Variants in ZFC3H1 observed in about 807,000 individuals in gnomAD.
ZFC3H1 encodes zinc finger C3H1 domain-containing protein.
In ZFC3H1, 71 loss-of-function variants were observed where a neutral mutation model predicts 243.7. That is an observed-to-expected ratio of 0.29 (90% CI 0.24 to 0.36). The LOEUF (loss-of-function observed/expected upper bound fraction) is 0.36. Among genes scored for constraint, ZFC3H1 ranks in the 10% least tolerant of loss-of-function variants. The pLI is 1.00. For missense variants in ZFC3H1, 1,966 were observed against 2,317.1 expected, an observed-to-expected ratio of 0.85 and a Z score of 3.11; for synonymous variants, 838 against 813.0, an observed-to-expected ratio of 1.03 and a Z score of -0.52.
At chr12:71,648,862 G>C (rs764798614) in intron 2 of ZFC3H1, among the ~76,000 whole-genome samples, 18 of 152,094 alleles carry the variant, frequency 1.2e-4, no homozygotes, top group Non-Finnish European at 2.6e-4. Context: ...GGCCGAGGCG[G>C]GTGGATCACC....
In ZFC3H1 at chr12:71,613,324, G is replaced by A. The variant is rs1323524662; in HGVS notation, c.5627+11C>T. On this transcript the variant is annotated intron_variant, in intron 31 of 34. Transcript: ENST00000378743. ...AGGCAGAGGACCAAAAGAATGTTAA[G>A]TTTTTCTTACCTCAATGCAAGTCCA... 2 of 1,598,990 alleles carry A rather than the reference G, an allele frequency of 1.3e-6. No homozygotes were observed. The highest frequency in any genetic ancestry group is 1.7e-6 in the Non-Finnish European group (2 of 1,171,488).
At chr12:71,628,807 A>C in intron 20 of ZFC3H1, 111 bp downstream of exon 20, 2 of 1,264,570 alleles carry the variant, frequency 1.6e-6, no homozygotes, top group Non-Finnish European at 2.1e-6. Context: ...TTTTAAAAAA[A>C]ATTTTTTTTT....
At position 71,631,901 on chromosome 12, in the gene ZFC3H1, T is replaced by G. The variant is rs1880332725; in HGVS notation, c.3361-14A>C. On this transcript the variant is annotated splice_polypyrimidine_tract_variant and intron_variant, in intron 15 of 34. Coordinates refer to ENST00000378743, the MANE Select transcript of ZFC3H1 (RefSeq NM_144982.5). ...TACAGAAATCTCCTGCAAAAGAAAA[T>G]AATAATTCTGTAAGGCAAATAAGGC... 1 of 1,608,386 alleles carries G rather than the reference T, an allele frequency of 6.2e-7. No individual in the cohort carries two copies. The highest frequency in any genetic ancestry group is 1.3e-5 in the African/African-American group (1 of 74,478).
rs192009218 is a variant in ZFC3H1 at position 71,619,915 on chromosome 12, A to G, written c.5049+11T>C. The G allele has an allele frequency of 7.0e-3, 10,920 of 1,570,464 alleles. 100 individuals are homozygous for G. Among genetic ancestry groups the G allele is most frequent in the South Asian group, 0.028 (2,383 of 85,282 alleles). On this transcript the variant is annotated intron_variant, in intron 26 of 34. Transcript: ENST00000378743. Reference sequence around the variant, plus strand: ...AAAGCATCATATTTAAGAATTATGCATCATTTTTACCTGTAAGATGAAGAA... The same window carrying G: ...AAAGCATCATATTTAAGAATTATGCGTCATTTTTACCTGTAAGATGAAGAA...
At chr12:71,614,318 A>G (rs1175729146) in intron 30 of ZFC3H1, among the ~76,000 whole-genome samples, 3 of 151,128 alleles carry the variant, frequency 2.0e-5, no homozygotes, top group Admixed American at 6.6e-5. Context: ...TTTCATAACC[A>G]TAACATAATA....
At chr12:71,658,189 C>T (rs973112785) in intron 1 of ZFC3H1, among the ~76,000 whole-genome samples, 1 of 151,664 alleles carries the variant, frequency 6.6e-6, no homozygotes, top group South Asian at 2.1e-4. Flanking sequence ...CTAAACAATT[C>T]ATACACGAGA....
In ZFC3H1 at chr12:71,629,796, G is replaced by C. The variant is rs1390598933; in HGVS notation, c.3725-86C>G. On this transcript the variant is annotated intron_variant, in intron 18 of 34. Coordinates refer to ENST00000378743, the MANE Select transcript of ZFC3H1 (RefSeq NM_144982.5). ...AAATGTATGACGTGAACTAGTTTAAGAATTAAAGGCGATTATATGGTACTA... is the reference window on the plus strand; with the variant it reads ...AAATGTATGACGTGAACTAGTTTAACAATTAAAGGCGATTATATGGTACTA... 8.3e-6 allele frequency: 7 copies of C among 847,772 alleles called. No homozygotes were observed. The African/African-American group carries it at 1.2e-4, about 14-fold the overall frequency. 52.5% of individuals were successfully genotyped at this position (847,772 alleles called of 1,614,324 possible). A position where few individuals can be genotyped will look rare whatever the true frequency, so the allele number is the denominator to read the frequency against.
At chr12:71,620,727 G>T (rs1375591274) in intron 24 of ZFC3H1, among the ~76,000 whole-genome samples, 2 of 151,970 alleles carry the variant, frequency 1.3e-5, no homozygotes, top group African/African-American at 4.8e-5. Flanking sequence ...ACAGCCATTT[G>T]AATGTCTCTC....
intron 10 of ZFC3H1, 106 bp downstream of exon 10, chr12:71,635,337 A>G (rs1880432599): frequency 1.5e-6 from 2 of 1,367,624 alleles, no homozygotes; most frequent in East Asian, 5.4e-5. Flanking sequence ...CCACAAATCA[A>G]TGTTATTAAA....
At chr12:71,621,165 C>T (rs944817499) in intron 24 of ZFC3H1, among the ~76,000 whole-genome samples, 1 of 152,182 alleles carries the variant, frequency 6.6e-6, no homozygotes, top group Admixed American at 6.5e-5. Flanking sequence ...AAAAATATCT[C>T]ATAGCCTCAA....
chr12:71,639,691 G>A (rs1253931387), intron 6 of ZFC3H1, among the ~76,000 whole-genome samples: 1 of 152,134 alleles, frequency 6.6e-6, no homozygotes, highest in Non-Finnish European at 1.5e-5. Context: ...AGCCACTAGG[G>A]GGTCTGAAAG....
At chr12:71,635,267 T>C (rs369819724) in intron 10 of ZFC3H1, among the ~76,000 whole-genome samples, 176 bp downstream of exon 10, 29 of 152,290 alleles carry the variant, frequency 1.9e-4, no homozygotes, top group African/African-American at 6.7e-4. Flanking sequence ...GTAAAATCAA[T>C]CTACATTGAT....
Position 71,635,445 on chromosome 12 carries a change from C to T in ZFC3H1, c.2236G>A (p.Glu746Lys). ...SMIKEARRTA[E>K]QASKPKVPPK... is the part of the protein sequence containing the mutation. ...CCACCTTTAATTATTGCACTTACCT[C>T]AGCAGTTCGTCTTGCTTCTTTAATC... Residue 746 changes from glutamate (E) to lysine (K), a missense_variant and splice_region_variant, in exon 10 of 35, where the codon GAG (glutamate) becomes AAG (lysine). Physicochemically the swap from Glu to Lys is moderately conservative, Grantham distance 56 (BLOSUM62 1). Transcript: ENST00000378743. 6.4e-7 allele frequency: 1 copy of T among 1,572,684 alleles called. No individual in the cohort carries two copies. Among genetic ancestry groups the T allele is most frequent in the Non-Finnish European group, 8.6e-7 (1 of 1,165,758 alleles).
chr12:71,656,354 T>C (rs1161830016), intron 2 of ZFC3H1: 2 of 406,332 alleles, frequency 4.9e-6, no homozygotes, highest in Non-Finnish European at 8.7e-6. Flanking sequence ...TTAAAAATGG[T>C]ATATCATAAA....
At chr12:71,613,086 G>T (rs899184283) in intron 31 of ZFC3H1, among the ~76,000 whole-genome samples, 11 of 152,192 alleles carry the variant, frequency 7.2e-5, no homozygotes, top group African/African-American at 2.7e-4. Flanking sequence ...AGGGAACACA[G>T]ATGAACTTTA....
chr12:71,633,504 A>C, intron 12 of ZFC3H1, 66 bp from the exon 13 acceptor site: 2 of 1,366,094 alleles, frequency 1.5e-6, no homozygotes, highest in Non-Finnish European at 2.0e-6. Context: ...AGAATAAAAA[A>C]ATTTTCAAAG....
intron 5 of ZFC3H1, 60 bp downstream of exon 5, chr12:71,644,035 A>C (rs1880664681): frequency 3.5e-6 from 5 of 1,422,694 alleles, no homozygotes; most frequent in African/African-American, 2.8e-5. Flanking sequence ...AGAATCTATG[A>C]AATATGACTT....
chr12:71,622,301 G>A (rs866151731), intron 24 of ZFC3H1, among the ~76,000 whole-genome samples: 3 of 152,156 alleles, frequency 2.0e-5, no homozygotes, highest in Non-Finnish European at 4.4e-5. Context: ...CATCTCTGAT[G>A]AGACCCACTT....
At chr12:71,619,284 T>A (rs1042691942) in intron 27 of ZFC3H1, 31 bp downstream of exon 27, 1 of 1,596,120 alleles carries the variant, frequency 6.3e-7, no homozygotes, top group African/African-American at 1.3e-5. Context: ...TCTCTCTCAT[T>A]CCTCTACAAA....
Sources: allele counts gnomAD v4.1 joint callset (sites outside exome capture counted in the v4.1 genomes callset), GRCh38; gene constraint gnomAD v4.1.1; transcripts MANE v1.5; gene names NCBI Gene and HGNC (gene_info 2026-07-23, HGNC 2026-07-21).